SND1: variants seen among roughly 807,000 people sequenced by gnomAD.
SND1 encodes the protein staphylococcal nuclease domain-containing protein 1.
Under a neutral mutation model 121.7 loss-of-function variants are expected in SND1, and 38 were observed. The ratio of observed to expected loss-of-function variants is 0.31; its 90% CI spans 0.24 to 0.41. SND1 has a LOEUF of 0.41. SND1 is among the 10% of genes least tolerant of loss of function. SND1 has a pLI of 1.00. For missense variants in SND1, 868 were observed against 1,184.6 expected (o/e 0.73, Z 3.92); for synonymous variants, 401 against 447.4 (o/e 0.90, Z 1.31).
chr7:128,041,388 C>T (rs563766731), intron 16 of SND1, among the ~76,000 whole-genome samples: 1 of 152,298 alleles, frequency 6.6e-6, no homozygotes, highest in Admixed American at 6.5e-5. Context: ...CATCAAACAA[C>T]CAATGGGTGA....
At chr7:127,988,364 T>G (rs981604741) in intron 15 of SND1, among the ~76,000 whole-genome samples, 1 of 152,210 alleles carries the variant, frequency 6.6e-6, no homozygotes, top group African/African-American at 2.4e-5. Context: ...AGCACCCTAC[T>G]TCGGCTTCCT....
intron 16 of SND1, among the ~76,000 whole-genome samples, chr7:128,073,987 C>G (rs1036525305): frequency 6.6e-6 from 1 of 152,210 alleles, no homozygotes; most frequent in Non-Finnish European, 1.5e-5. Context: ...CCGCGTCTTT[C>G]TGCCTCTCCT....
chr7:127,937,550 A>C (rs925847022), intron 15 of SND1, among the ~76,000 whole-genome samples: 1 of 152,078 alleles, frequency 6.6e-6, no homozygotes, highest in Non-Finnish European at 1.5e-5. Flanking sequence ...GGCATTGAGA[A>C]AAGTTCTAAG....
intron 12 of SND1, chr7:127,857,795 C>G (rs964740688): frequency 6.9e-6 from 5 of 728,200 alleles, no homozygotes; most frequent in African/African-American, 3.5e-5. Context: ...ACTTGGACCT[C>G]CTCCACAAAG....
chr7:127,764,662 T>C (rs745310414), intron 10 of SND1, among the ~76,000 whole-genome samples: 1 of 152,256 alleles, frequency 6.6e-6, no homozygotes, highest in Non-Finnish European at 1.5e-5. Flanking sequence ...TGCTGTCTTT[T>C]TAAATTTCCC....
intron 15 of SND1, among the ~76,000 whole-genome samples, chr7:127,969,140 T>C (rs1801920783): frequency 1.3e-5 from 2 of 151,948 alleles, no homozygotes; most frequent in East Asian, 1.9e-4. Context: ...TGGAAGTAAA[T>C]AGTTGGTGGT....
At position 128,077,761 on chromosome 7, in the gene SND1, C is replaced by G. The variant is rs1399297356; in HGVS notation, c.1968+3071C>G. Among the ~76,000 whole-genome samples the G allele has an allele frequency of 2.6e-5, 4 of 152,226 alleles. No individual in the cohort carries two copies. The East Asian group carries it at 7.7e-4, about 29-fold the overall frequency. ...AGGGCAGACTGTCCTGTGGTTGGCT[C>G]TCCCAGCATTCCTGGGCCCTGCTGC... On this transcript the variant is annotated intron_variant, in intron 17 of 23. Transcript: ENST00000354725.
intron 11 of SND1, among the ~76,000 whole-genome samples, chr7:127,826,907 T>C (rs1008805639): frequency 1.4e-4 from 22 of 152,220 alleles, no homozygotes; most frequent in Admixed American, 1.4e-3. Flanking sequence ...GCCATCTCCC[T>C]GTGTCATTCA....
At chr7:127,787,259 G>A (rs537420768) in intron 10 of SND1, among the ~76,000 whole-genome samples, 3 of 152,254 alleles carry the variant, frequency 2.0e-5, no homozygotes, top group Admixed American at 6.5e-5. Flanking sequence ...AGGGGGGACA[G>A]GGCCTTGCTC....
chr7:128,065,633 G>C (rs899799580), intron 16 of SND1, among the ~76,000 whole-genome samples: 1 of 152,230 alleles, frequency 6.6e-6, no homozygotes, highest in African/African-American at 2.4e-5. Flanking sequence ...CACACCCCTA[G>C]CTCCATCCCT....
At chr7:127,723,868 T>C (rs1796538786) in intron 10 of SND1, among the ~76,000 whole-genome samples, 1 of 152,280 alleles carries the variant, frequency 6.6e-6, no homozygotes, top group Admixed American at 6.5e-5. Context: ...CAAATTATTA[T>C]ATCATTTCAA....
At chr7:127,983,551 A>G (rs1015740062) in intron 15 of SND1, among the ~76,000 whole-genome samples, 4 of 152,066 alleles carry the variant, frequency 2.6e-5, no homozygotes, top group African/African-American at 9.7e-5. Context: ...TTTATCTGCT[A>G]GCTAGGTATG....
At chr7:127,964,674 G>A (rs1231646105) in intron 15 of SND1, among the ~76,000 whole-genome samples, 1 of 151,394 alleles carries the variant, frequency 6.6e-6, no homozygotes, top group Non-Finnish European at 1.5e-5. Flanking sequence ...AGTATAGTTT[G>A]AAGTCAGGTA....
At chr7:128,017,310 C>G (rs1327043642) in intron 16 of SND1, among the ~76,000 whole-genome samples, 1 of 152,142 alleles carries the variant, frequency 6.6e-6, no homozygotes, top group Non-Finnish European at 1.5e-5. Context: ...CTATCATCAC[C>G]CCAGAGTGCT....
intron 10 of SND1, among the ~76,000 whole-genome samples, chr7:127,739,476 G>A (rs143603957): frequency 4.1e-4 from 63 of 152,268 alleles, no homozygotes; most frequent in African/African-American, 1.4e-3. Context: ...TTTCTTTGGT[G>A]ATAATCTTCT....
intron 12 of SND1, chr7:127,857,903 G>T: frequency 7.2e-7 from 1 of 1,388,138 alleles, no homozygotes; most frequent in Non-Finnish European, 1.0e-6. Context: ...CCACGAAGGG[G>T]GTCCAGCTTC....
intron 15 of SND1, among the ~76,000 whole-genome samples, chr7:127,953,486 AGGAGG>A (rs1284699920): frequency 6.6e-6 from 1 of 152,034 alleles, no homozygotes; most frequent in Non-Finnish European, 1.5e-5. Flanking sequence ...CTAATAGGAA[AGGAGG>A]GCAAATATGA....
chr7:127,870,944 AT>A (rs1330619553), intron 12 of SND1, among the ~76,000 whole-genome samples: 6 of 152,222 alleles, frequency 3.9e-5, no homozygotes, highest in East Asian at 1.9e-4. Flanking sequence ...CTACAAAAAT[AT>A]TTTTTATATC....
chr7:127,989,793 G>A (rs527962317), intron 15 of SND1, among the ~76,000 whole-genome samples: 167 of 152,216 alleles, frequency 1.1e-3, no homozygotes, highest in African/African-American at 3.7e-3. Flanking sequence ...ATTATATAGC[G>A]TCATAATTAT....
Sources: allele counts gnomAD v4.1 joint callset (sites outside exome capture counted in the v4.1 genomes callset), GRCh38; gene constraint gnomAD v4.1.1; transcripts MANE v1.5; gene names NCBI Gene and HGNC (gene_info 2026-07-23, HGNC 2026-07-21).